Variants in POLR1A observed in about 807,000 individuals in gnomAD.
POLR1A encodes DNA-directed RNA polymerase I subunit RPA1.
In POLR1A, 84 loss-of-function variants were observed where a neutral mutation model predicts 205.3. The ratio of observed to expected loss-of-function variants is 0.41; its 90% confidence interval spans 0.34 to 0.49. The LOEUF is 0.49. Ranked by LOEUF, POLR1A falls within the 20% of genes least tolerant of loss-of-function variation. The pLI, the probability that POLR1A is intolerant of heterozygous loss-of-function variation, is 0.22. For synonymous variants in POLR1A, 799 were observed against 863.7 expected (o/e 0.93, Z 1.31); for missense variants, 1,645 against 2,204.5 (o/e 0.75, Z 5.08).
intron 14 of POLR1A, among the ~76,000 whole-genome samples, chr2:86,056,394 G>C (rs1407527542): frequency 6.6e-6 from 1 of 151,964 alleles, no homozygotes; most frequent in Non-Finnish European, 1.5e-5. Flanking sequence ...GGAGGTTGCA[G>C]TGAGCCGAGA....
chr2:86,068,910 A>T (rs962089002), intron 13 of POLR1A, among the ~76,000 whole-genome samples: 22 of 152,240 alleles, frequency 1.4e-4, no homozygotes, highest in African/African-American at 4.8e-5. Flanking sequence ...GCTGATTGAC[A>T]CTAGGCATCT....
intron 7 of POLR1A, among the ~76,000 whole-genome samples, chr2:86,082,042 C>T (rs927925538): frequency 1.3e-5 from 2 of 151,908 alleles, no homozygotes; most frequent in Admixed American, 6.6e-5. Flanking sequence ...TGCTTGGTTG[C>T]CCAGGCTGGT....
At chr2:86,039,994 T>C (rs558225973) in intron 25 of POLR1A, 36 of 190,826 alleles carry the variant, frequency 1.9e-4, no homozygotes, top group Non-Finnish European at 3.4e-4. Context: ...GCACATATAT[T>C]TACCTGAAGG....
intron 14 of POLR1A, among the ~76,000 whole-genome samples, chr2:86,059,627 G>A (rs1272143708): frequency 1.3e-5 from 2 of 152,162 alleles, no homozygotes; most frequent in Non-Finnish European, 2.9e-5. Context: ...GTGCAGTGGT[G>A]CAATCTCAGC....
At position 86,077,537 on chromosome 2, in the gene POLR1A, G is replaced by A. The variant is rs371843443; in HGVS notation, c.1380+322C>T. Among the ~76,000 whole-genome samples, 3 of 152,326 alleles carry A rather than the reference G, an allele frequency of 2.0e-5. No individual in the cohort carries two copies. The South Asian group carries it at 6.2e-4, about 32-fold the overall frequency. ...AGGAAGGTCAAAAGACTAGGCTGAA[G>A]TGGGCAGGAGGAAGCTATGCCGGCG... On this transcript the variant is annotated intron_variant, in intron 11 of 33. Transcript: ENST00000263857.
intron 2 of POLR1A, 129 bp from the exon 3 acceptor site, chr2:86,098,889 T>C (rs1673758722): frequency 2.6e-6 from 2 of 756,400 alleles, no homozygotes; most frequent in Non-Finnish European, 4.2e-6. Flanking sequence ...TCAGCCTACA[T>C]GCTTAGAAAG....
At chr2:86,076,924 C>G (rs1424206856) in intron 11 of POLR1A, among the ~76,000 whole-genome samples, 1 of 152,300 alleles carries the variant, frequency 6.6e-6, no homozygotes, top group East Asian at 1.9e-4. Flanking sequence ...CATGATCCAG[C>G]CTTTGAATGC....
Position 86,080,897 on chromosome 2 carries a change from T to G in POLR1A, c.1005A>C (p.Val335=). 2 of 1,614,166 alleles carry G rather than the reference T, an allele frequency of 1.2e-6. No homozygotes were observed. The highest frequency in any genetic ancestry group is 1.7e-6 in the Non-Finnish European group (2 of 1,180,004). The part of the protein sequence containing the change: ...TVNLQAVMKD[V]VLIRKLLALM... ...ATGCCAGAAGTTTTCGAATCAGAACTACATCCTTCATGACAGCCTGCAAGT... is the reference window on the plus strand; with the variant it reads ...ATGCCAGAAGTTTTCGAATCAGAACGACATCCTTCATGACAGCCTGCAAGT... Residue 335 remains valine (V), a synonymous_variant, in exon 9 of 34, where the codon GTA becomes GTC. Coordinates refer to ENST00000263857, the MANE Select transcript of POLR1A (RefSeq NM_015425.6).
At chr2:86,038,956 G>A in intron 26 of POLR1A, 99 bp from the exon 27 acceptor site, 1 of 1,118,648 alleles carries the variant, frequency 8.9e-7, no homozygotes, top group South Asian at 1.4e-5. Flanking sequence ...AGAGATAGCA[G>A]CTGAGACCAC....
chr2:86,070,539 C>G lies in POLR1A; in HGVS notation c.1612-267G>C, dbSNP rs1487999696. Among the ~76,000 whole-genome samples the G allele has an allele frequency of 1.3e-5, 2 of 152,112 alleles. No homozygotes were observed. The highest frequency in any genetic ancestry group is 4.8e-5 in the African/African-American group (2 of 41,398). On this transcript the variant is annotated intron_variant, in intron 12 of 33. Transcript: ENST00000263857. The surrounding 1 kb of genome is among the most constrained non-coding windows in gnomAD (Gnocchi z 4.4). ...AACAAATAAGACCACAGGTCTTTGTCTTCTTCAGAGATGCATAGCCGTCCC... is the reference window on the plus strand; with the variant it reads ...AACAAATAAGACCACAGGTCTTTGTGTTCTTCAGAGATGCATAGCCGTCCC...
At chr2:86,073,483 C>G (rs1191150446) in intron 12 of POLR1A, among the ~76,000 whole-genome samples, 1 of 152,124 alleles carries the variant, frequency 6.6e-6, no homozygotes, top group South Asian at 2.1e-4. Context: ...GCCTTCAGTC[C>G]CCTCTTTAGC....
chr2:86,103,650 A>G (rs1310128524), intron 1 of POLR1A, among the ~76,000 whole-genome samples: 2 of 152,224 alleles, frequency 1.3e-5, no homozygotes, highest in Non-Finnish European at 2.9e-5. Flanking sequence ...GTTACCAATG[A>G]TACCAGAGCT....
At chr2:86,080,104 G>A (rs1362994936) in intron 9 of POLR1A, among the ~76,000 whole-genome samples, 2 of 152,154 alleles carry the variant, frequency 1.3e-5, no homozygotes, top group Non-Finnish European at 2.9e-5. Flanking sequence ...CTGGCAGACA[G>A]CGGGACTGTC....
In POLR1A at chr2:86,030,317, A is replaced by G; in HGVS notation, c.4658T>C (p.Ile1553Thr). 1 of 1,614,050 alleles carries G rather than the reference A, an allele frequency of 6.2e-7. No individual in the cohort carries two copies. Among genetic ancestry groups the G allele is most frequent in the Non-Finnish European group, 8.5e-7 (1 of 1,179,888 alleles). Residue 1553 changes from isoleucine to threonine, a missense_variant, in exon 31 of 34, where the codon ATC (isoleucine) becomes ACC (threonine). This residue lies in a region of POLR1A where 394 missense variants were observed against 468.5 expected (regional missense o/e 0.84). Coordinates refer to ENST00000263857, the MANE Select transcript of POLR1A (RefSeq NM_015425.6). ...CCGAGTGATGCCCTTGGTCGCATAG[A>G]TGACGGCACCATGGGCCAAAGATAC... ...LVVSLAHGAV[I>T]YATKGITRCL...
intron 9 of POLR1A, 39 bp downstream of exon 9, chr2:86,080,777 C>T: frequency 6.4e-7 from 1 of 1,559,822 alleles, no homozygotes. Flanking sequence ...TAGCACTAAG[C>T]ATGTGTGCTC....
At chr2:86,071,227 C>CGT (rs1558777042) in intron 12 of POLR1A, among the ~76,000 whole-genome samples, 3 of 147,356 alleles carry the variant, frequency 2.0e-5, no homozygotes, top group African/African-American at 2.6e-5. Flanking sequence ...TCTCCGTGTG[C>CGT]ATGTGTGTGT....
intron 10 of POLR1A, 46 bp downstream of exon 10, chr2:86,078,068 T>G: frequency 6.2e-7 from 1 of 1,612,384 alleles, no homozygotes; most frequent in Non-Finnish European, 8.5e-7. Context: ...CAATGTTTAT[T>G]ATTTATCTTC....
intron 14 of POLR1A, among the ~76,000 whole-genome samples, chr2:86,057,754 T>C (rs755479240): frequency 7.0e-4 from 106 of 152,184 alleles, no homozygotes; most frequent in Non-Finnish European, 1.2e-3. Flanking sequence ...ACAGGCTAAT[T>C]CATACAGGTA....
At chr2:86,101,489 GCTGCCAGTAAGCTAATTTCATGAGAAA>G (rs1215950773) in intron 1 of POLR1A, among the ~76,000 whole-genome samples, 2 of 152,166 alleles carry the variant, frequency 1.3e-5, no homozygotes, top group Non-Finnish European at 2.9e-5. Flanking sequence ...TGGTCACCTT[GCTGCCAGTAAGCTAATTTCATGAGAAA>G]CTTGATCTAA....
Sources: allele counts gnomAD v4.1 joint callset (sites outside exome capture counted in the v4.1 genomes callset), GRCh38; gene constraint gnomAD v4.1.1; regional missense constraint gnomAD v4.1.1; non-coding constraint Gnocchi (gnomAD v3.1); transcripts MANE v1.5; gene names NCBI Gene and HGNC (gene_info 2026-07-23, HGNC 2026-07-21).